RAPGEF2: variants seen among roughly 807,000 people sequenced by gnomAD.
RAPGEF2 encodes the protein PDZ domain containing guanine nucleotide exchange factor (GEF) 1.
RAPGEF2 carries 54 observed loss-of-function variants against 186.7 expected under a neutral mutation model. The observed-to-expected ratio is 0.29, with a 90% CI of 0.23 to 0.36. The LOEUF (loss-of-function observed/expected upper bound fraction) is 0.36. RAPGEF2 is among the 10% of genes least tolerant of loss of function. The probability of loss-of-function intolerance (pLI) is 1.00; values close to 1 mark genes in which losing one functional copy is unlikely to be tolerated. For synonymous variants in RAPGEF2, 712 were observed against 705.9 expected, an observed-to-expected ratio of 1.01 and a Z score of -0.14; for missense variants, 1,532 against 2,045.0, an observed-to-expected ratio of 0.75 and a Z score of 4.84.
At chr4:159,185,143 TTAAAA>T (rs1747430516) in intron 1 of RAPGEF2, among the ~76,000 whole-genome samples, 1 of 152,274 alleles carries the variant, frequency 6.6e-6, no homozygotes, top group Non-Finnish European at 1.5e-5. Context: ...AGTAAGATGA[TTAAAA>T]TAAAAAGAGA....
chr4:159,196,300 G>A (rs1270947189), intron 3 of RAPGEF2, among the ~76,000 whole-genome samples: 1 of 152,142 alleles, frequency 6.6e-6, no homozygotes, highest in African/African-American at 2.4e-5. Flanking sequence ...ATAAATTTGT[G>A]ATAATAATAG....
intron 20 of RAPGEF2, 105 bp downstream of exon 20, chr4:159,342,052 T>C (rs926276713): frequency 6.2e-6 from 7 of 1,133,054 alleles, no homozygotes; most frequent in African/African-American, 1.6e-5. Context: ...TAGGTTTTAA[T>C]TGACTCATAA....
At chr4:159,283,390 A>G (rs1759992426) in intron 7 of RAPGEF2, among the ~76,000 whole-genome samples, 1 of 152,158 alleles carries the variant, frequency 6.6e-6, no homozygotes, top group Non-Finnish European at 1.5e-5. Context: ...AACTTTTGTT[A>G]TTGGTTCAGA....
intron 5 of RAPGEF2, among the ~76,000 whole-genome samples, chr4:159,239,149 A>C (rs138459358): frequency 1.3e-3 from 194 of 152,300 alleles, no homozygotes; most frequent in African/African-American, 4.5e-3. Flanking sequence ...TTTGTAATTC[A>C]ATCTATAATA....
intron 7 of RAPGEF2, among the ~76,000 whole-genome samples, chr4:159,277,432 T>C (rs1224518674): frequency 6.6e-6 from 1 of 152,228 alleles, no homozygotes; most frequent in Middle Eastern, 3.2e-3. Context: ...ATCCTTTGGG[T>C]ATATACCCAG....
At chr4:159,110,934 G>A (rs1738423245) in intron 1 of RAPGEF2, among the ~76,000 whole-genome samples, 1 of 151,544 alleles carries the variant, frequency 6.6e-6, no homozygotes, top group Non-Finnish European at 1.5e-5. Flanking sequence ...TTAAAACTAT[G>A]TTCAAGTGAT....
intron 7 of RAPGEF2, among the ~76,000 whole-genome samples, chr4:159,258,091 T>G (rs188080339): frequency 9.8e-5 from 15 of 152,332 alleles, no homozygotes; most frequent in Admixed American, 3.9e-4. Context: ...ATTCTAATAA[T>G]GATAACCTGA....
At chr4:159,172,626 A>T (rs1346989085) in intron 1 of RAPGEF2, among the ~76,000 whole-genome samples, 1 of 152,188 alleles carries the variant, frequency 6.6e-6, no homozygotes, top group Non-Finnish European at 1.5e-5. Context: ...GTACACATGT[A>T]CAATTTTAAG....
At chr4:159,249,533 A>G (rs534381652) in intron 7 of RAPGEF2, among the ~76,000 whole-genome samples, 1 of 152,096 alleles carries the variant, frequency 6.6e-6, no homozygotes, top group African/African-American at 2.4e-5. Context: ...TATGGAATAT[A>G]TAGATGCTAG....
intron 8 of RAPGEF2, among the ~76,000 whole-genome samples, chr4:159,311,988 C>G (rs1020871333): frequency 6.6e-6 from 1 of 152,066 alleles, no homozygotes; most frequent in African/African-American, 2.4e-5. Context: ...ATAGAGATAG[C>G]AAGCAACTGT....
At chr4:159,171,769 C>A (rs1232087209) in intron 1 of RAPGEF2, among the ~76,000 whole-genome samples, 1 of 151,902 alleles carries the variant, frequency 6.6e-6, no homozygotes, top group African/African-American at 2.4e-5. Context: ...AGAATAAGAG[C>A]CGGAAGTAAA....
intron 1 of RAPGEF2, among the ~76,000 whole-genome samples, chr4:159,108,281 C>G (rs1738100529): frequency 6.6e-6 from 1 of 151,910 alleles, no homozygotes; most frequent in Non-Finnish European, 1.5e-5. Context: ...CATATCTTGG[C>G]TAAGGTTCAA....
At chr4:159,139,538 A>G (rs1413751611) in intron 1 of RAPGEF2, among the ~76,000 whole-genome samples, 2 of 152,148 alleles carry the variant, frequency 1.3e-5, no homozygotes, top group African/African-American at 4.8e-5. Flanking sequence ...TATATACAGC[A>G]TGTTCTGAAA....
intron 1 of RAPGEF2, among the ~76,000 whole-genome samples, chr4:159,157,857 T>C (rs1379105849): frequency 6.6e-6 from 1 of 152,224 alleles, no homozygotes; most frequent in Non-Finnish European, 1.5e-5. Context: ...GTATTTGAAG[T>C]TATTCCACTC....
chr4:159,153,696 C>A (rs1329459972), intron 1 of RAPGEF2, among the ~76,000 whole-genome samples: 1 of 152,102 alleles, frequency 6.6e-6, no homozygotes, highest in Non-Finnish European at 1.5e-5. Flanking sequence ...TTCTTGCTTC[C>A]TCCAGTTGCC....
chr4:159,281,664 T>C (rs1307512330), intron 7 of RAPGEF2, among the ~76,000 whole-genome samples: 1 of 116,182 alleles, frequency 8.6e-6, no homozygotes, highest in Non-Finnish European at 1.8e-5. Context: ...AGAGTGCAAC[T>C]TGATTTCAAA....
chr4:159,252,532 C>CA (rs1383480191), intron 7 of RAPGEF2, among the ~76,000 whole-genome samples: 1 of 152,206 alleles, frequency 6.6e-6, no homozygotes, highest in East Asian at 1.9e-4. Flanking sequence ...ATGTCATTTA[C>CA]AGTGGGCATT....
intron 4 of RAPGEF2, among the ~76,000 whole-genome samples, chr4:159,227,064 C>G (rs915335491): frequency 1.3e-5 from 2 of 152,168 alleles, no homozygotes; most frequent in Non-Finnish European, 1.5e-5. Flanking sequence ...CAAAGAAATA[C>G]TTACCATTTC....
At chr4:159,176,977 A>G (rs1579379973) in intron 1 of RAPGEF2, among the ~76,000 whole-genome samples, 1 of 152,228 alleles carries the variant, frequency 6.6e-6, no homozygotes, top group East Asian at 1.9e-4. Flanking sequence ...GTTCCTAGCC[A>G]ATCTTTCTTG....
Sources: gnomAD v4.1 joint callset for allele counts (sites outside exome capture counted in the v4.1 genomes callset) on GRCh38, gnomAD v4.1.1 for gene constraint, MANE v1.5 for transcripts, NCBI Gene and HGNC (gene_info 2026-07-23, HGNC 2026-07-21) for gene names.